The following C4orf51 variants were observed in gnomAD, a reference collection of about 807,000 sequenced individuals.
C4orf51 encodes the protein chromosome 4 open reading frame 51.
In C4orf51, 25 loss-of-function variants were observed where a neutral mutation model predicts 25.2. That is an observed-to-expected ratio of 0.99 (90% confidence interval 0.72 to 1.39). The LOEUF (loss-of-function observed/expected upper bound fraction) is 1.39. Ranked by LOEUF, C4orf51 falls within the 40% of genes most tolerant of loss-of-function variation. C4orf51 has a pLI of 0.00. For missense variants in C4orf51, 252 were observed against 239.6 expected (o/e 1.05, Z -0.34); for synonymous variants, 100 against 84.5 (o/e 1.18, Z -1.01).
chr4:145,729,598 G>C (rs945618576), intron 4 of C4orf51, among the ~76,000 whole-genome samples: 3 of 152,108 alleles, frequency 2.0e-5, no homozygotes, highest in African/African-American at 7.2e-5. Context: ...ACCATGCCCG[G>C]TCCTTTCATG....
intron 2 of C4orf51, among the ~76,000 whole-genome samples, chr4:145,700,757 C>T (rs183665454): frequency 0.016 from 2,407 of 152,180 alleles, 61 homozygotes; most frequent in African/African-American, 0.055. Context: ...TTCTAATCTT[C>T]CTTTTCTACA....
At chr4:145,747,031 T>C (rs983305647) in intron 1 of C4orf51, among the ~76,000 whole-genome samples, 1 of 152,200 alleles carries the variant, frequency 6.6e-6, no homozygotes, top group African/African-American at 2.4e-5. Flanking sequence ...ATAGAAATGC[T>C]ACTGATTTTT....
chr4:145,725,318 C>T (rs77398771), intron 2 of C4orf51, among the ~76,000 whole-genome samples: 1 of 152,136 alleles, frequency 6.6e-6, no homozygotes, highest in South Asian at 2.1e-4. Flanking sequence ...GAAATAGGTA[C>T]CTTCATTCAT....
At chr4:145,749,974 A>G (rs1043906112) in intron 1 of C4orf51, among the ~76,000 whole-genome samples, 1 of 152,200 alleles carries the variant, frequency 6.6e-6, no homozygotes, top group Non-Finnish European at 1.5e-5. Context: ...TAACACTGTT[A>G]GCCTAAAAAA....
In C4orf51 at chr4:145,762,397, CGGA is replaced by C. The variant is rs2126849325; in HGVS notation, n.167-8589_167-8587del. Among the ~76,000 whole-genome samples the C allele has an allele frequency of 6.6e-6, 1 of 152,206 alleles. No individual in the cohort carries two copies. Among genetic ancestry groups the C allele is most frequent in the East Asian group, 1.9e-4 (1 of 5,178 alleles). On this transcript the variant is annotated intron_variant and non_coding_transcript_variant, in intron 1 of 1. Coordinates refer to the C4orf51 transcript ENST00000510096. The surrounding 1 kb of genome is among the most constrained non-coding windows in gnomAD (Gnocchi z 4.9). ...AGACATTATTAATACATGATTATGC[CGGA>C]GATAGGATAATAATCCAACTGGATT...
chr4:145,681,707 G>A (rs138352485), intron 1 of C4orf51, among the ~76,000 whole-genome samples: 1 of 152,284 alleles, frequency 6.6e-6, no homozygotes, highest in East Asian at 1.9e-4. Context: ...ATTGCAGAGG[G>A]TGAAAGGTGG....
At chr4:145,684,562 C>T (rs1335661542) in intron 1 of C4orf51, among the ~76,000 whole-genome samples, 2 of 152,186 alleles carry the variant, frequency 1.3e-5, no homozygotes, top group African/African-American at 4.8e-5. Context: ...TAACATTACG[C>T]ACCTATCAAG....
intron 1 of C4orf51, among the ~76,000 whole-genome samples, chr4:145,738,957 T>C (rs546603569): frequency 6.6e-6 from 1 of 152,344 alleles, no homozygotes; most frequent in Admixed American, 6.5e-5. Context: ...TATTATTTTT[T>C]TAATGATTAG....
Position 145,762,166 on chromosome 4 carries a change from C to G in C4orf51, n.167-8822C>G, listed in dbSNP as rs1306086142. 2.6e-5 allele frequency among the ~76,000 whole-genome samples: 4 copies of G among 152,072 alleles called. No homozygotes were observed. The highest frequency in any genetic ancestry group is 7.3e-5 in the African/African-American group (3 of 41,376). ...TTAAGGGTTTGTTAGGATGAGAAGGCCTGTGTGTGTCTCTCTGTGTGAGTG... is the reference window on the plus strand; with the variant it reads ...TTAAGGGTTTGTTAGGATGAGAAGGGCTGTGTGTGTCTCTCTGTGTGAGTG... On this transcript the variant is annotated intron_variant and non_coding_transcript_variant, in intron 1 of 1. Transcript: ENST00000510096. The surrounding 1 kb of genome is among the most constrained non-coding windows in gnomAD (Gnocchi z 4.9).
chr4:145,691,584 T>C (rs1729563760), intron 1 of C4orf51, among the ~76,000 whole-genome samples: 1 of 152,218 alleles, frequency 6.6e-6, no homozygotes, highest in Non-Finnish European at 1.5e-5. Flanking sequence ...AAATGTGGCA[T>C]GTATACACCA....
At chr4:145,746,714 A>G (rs983176893) in intron 1 of C4orf51, among the ~76,000 whole-genome samples, 1 of 152,042 alleles carries the variant, frequency 6.6e-6, no homozygotes. Context: ...GTGGTTCTAT[A>G]TACACTTTAG....
rs531823935 is a variant in C4orf51 at position 145,693,077 on chromosome 4, C to G, written c.234-3482C>G. 8.5e-4 allele frequency among the ~76,000 whole-genome samples: 118 copies of G among 138,646 alleles called. 1 individual carries two copies. Among genetic ancestry groups the G allele is most frequent in the African/African-American group, 3.1e-3 (115 of 37,306 alleles). The allele number at this position is 138,646 out of a possible 152,430, so 91.0% of individuals were successfully genotyped here. A position where few individuals can be genotyped will look rare whatever the true frequency, so the allele number is the denominator to read the frequency against. Reference sequence around the variant, plus strand: ...ATTGATAATTCTTGGGTGTTTCTCACAGAGGGGTATTTGGCAGGGTCATGG... The same window carrying G: ...ATTGATAATTCTTGGGTGTTTCTCAGAGAGGGGTATTTGGCAGGGTCATGG... On this transcript the variant is annotated intron_variant, in intron 1 of 5. Coordinates refer to ENST00000438731, the MANE Select transcript of C4orf51 (RefSeq NM_001080531.3).
intron 2 of C4orf51, among the ~76,000 whole-genome samples, chr4:145,697,734 C>A (rs527843422): frequency 1.6e-4 from 25 of 152,246 alleles, no homozygotes; most frequent in African/African-American, 6.0e-4. Context: ...TATTATATAC[C>A]ACATTCTCTT....
intron 1 of C4orf51, among the ~76,000 whole-genome samples, chr4:145,695,254 T>G (rs1729972824): frequency 6.6e-6 from 1 of 152,232 alleles, no homozygotes; most frequent in Non-Finnish European, 1.5e-5. Flanking sequence ...CATCTGTTAT[T>G]TTTGACTTTT....
intron 5 of C4orf51, 70 bp downstream of exon 5, chr4:145,730,035 C>A: frequency 7.7e-7 from 1 of 1,293,638 alleles, no homozygotes; most frequent in Non-Finnish European, 1.1e-6. Context: ...TTCTGAGTGT[C>A]TCTACATGGC....
chr4:145,701,600 C>T (rs897803750), intron 2 of C4orf51, among the ~76,000 whole-genome samples: 1 of 151,620 alleles, frequency 6.6e-6, no homozygotes, highest in Non-Finnish European at 1.5e-5. Flanking sequence ...CCTAGACCAT[C>T]ACGGATGCCG....
rs930208242 is a variant in C4orf51 at position 145,763,896 on chromosome 4, G to A, written n.167-7092G>A. ...AGAGTGAAACGAAATGGAGTTCAACGGAGGTCCTGTTGTTCCCTGACTCTT... is the reference window on the plus strand; with the variant it reads ...AGAGTGAAACGAAATGGAGTTCAACAGAGGTCCTGTTGTTCCCTGACTCTT... On this transcript the variant is annotated intron_variant and non_coding_transcript_variant, in intron 1 of 1. Coordinates refer to the C4orf51 transcript ENST00000510096. The surrounding 1 kb of genome is among the most constrained non-coding windows in gnomAD (Gnocchi z 4.6). 5.3e-5 allele frequency among the ~76,000 whole-genome samples: 8 copies of A among 151,192 alleles called. No homozygotes were observed. The highest frequency in any genetic ancestry group is 1.9e-4 in the African/African-American group (8 of 41,104).
At chr4:145,749,880 C>T (rs749828705) in intron 1 of C4orf51, among the ~76,000 whole-genome samples, 44 of 152,040 alleles carry the variant, frequency 2.9e-4, no homozygotes, top group Non-Finnish European at 1.3e-4. Context: ...ATGATCTGCC[C>T]GCCTCGGCCT....
Position 145,765,712 on chromosome 4 carries a change from A to G in C4orf51, n.167-5276A>G. ...AGGGAGGATGAAGAGGGGCTATTTG[A>G]TTCGCTGGGGGTCTTCCTGTCTTCC... On this transcript the variant is annotated intron_variant and non_coding_transcript_variant, in intron 1 of 1. Coordinates refer to the C4orf51 transcript ENST00000510096. This position sits in a 1 kb window ranked among gnomAD's most constrained non-coding sequence, Gnocchi z 4.7. 1 of 1,614,048 alleles carries G rather than the reference A, an allele frequency of 6.2e-7. No individual in the cohort carries two copies. Among genetic ancestry groups the G allele is most frequent in the Non-Finnish European group, 8.5e-7 (1 of 1,179,982 alleles).
Sources: gnomAD v4.1 joint callset for allele counts (sites outside exome capture counted in the v4.1 genomes callset) on GRCh38, gnomAD v4.1.1 for gene constraint, Gnocchi (gnomAD v3.1) non-coding constraint, MANE v1.5 for transcripts, NCBI Gene and HGNC (gene_info 2026-07-23, HGNC 2026-07-21) for gene names.